Variants in FAM111B observed in about 807,000 individuals in gnomAD.
The protein encoded by FAM111B is FAM111 trypsin like peptidase B, also known as serine protease FAM111B.
A neutral mutation model predicts 2.8 loss-of-function variants in FAM111B; 1 was observed. The observed-to-expected ratio is 0.36, with a 90% CI of 0.13 to 1.70. FAM111B has a LOEUF of 1.70. FAM111B is among the 40% of genes most tolerant of loss of function. The probability of loss-of-function intolerance (pLI) is 0.35; values close to 1 mark genes in which losing one functional copy is unlikely to be tolerated. For missense variants in FAM111B, 882 were observed against 878.9 expected, an observed-to-expected ratio of 1.00 and a Z score of -0.04; for synonymous variants, 297 against 295.6, an observed-to-expected ratio of 1.00 and a Z score of -0.05.
At chr11:59,107,914 G>A (rs1251511338) in intron 1 of FAM111B, among the ~76,000 whole-genome samples, 1 of 152,184 alleles carries the variant, frequency 6.6e-6, no homozygotes, top group Non-Finnish European at 1.5e-5. Flanking sequence ...GGTGGTTACT[G>A]ACATCCAGTC....
At chr11:59,111,782 A>T (rs1212348507) in intron 3 of FAM111B, among the ~76,000 whole-genome samples, 1 of 152,110 alleles carries the variant, frequency 6.6e-6, no homozygotes, top group Non-Finnish European at 1.5e-5. Context: ...AGAGTATAAA[A>T]CTGCCAAACT....
At chr11:59,109,758 G>A (rs1859729802) in intron 3 of FAM111B, 52 bp downstream of exon 3, 3 of 1,133,862 alleles carry the variant, frequency 2.6e-6, no homozygotes, top group East Asian at 2.4e-5. Flanking sequence ...TAACTATAGT[G>A]CCATATGAGG....
intron 3 of FAM111B, among the ~76,000 whole-genome samples, chr11:59,118,276 G>C (rs899213672): frequency 3.6e-4 from 55 of 152,162 alleles, no homozygotes; most frequent in African/African-American, 1.3e-3. Context: ...CCTGCCTCCA[G>C]GTCCTGTTCT....
In FAM111B at chr11:59,112,169, C is replaced by A. The variant is rs78255321; in HGVS notation, c.81+2463C>A. On this transcript the variant is annotated intron_variant, in intron 3 of 3. Transcript: ENST00000343597. ...TAATTTCCTGTTCTCCCCACTTGTG[C>A]CCTATTCATCCCAGTCCCTGGCAAC... Among the ~76,000 whole-genome samples the A allele has an allele frequency of 8.0e-3, 1,214 of 152,272 alleles. 37 individuals are homozygous for A. Among genetic ancestry groups the A allele is most frequent in the Admixed American group, 0.058 (887 of 15,292 alleles).
intron 3 of FAM111B, among the ~76,000 whole-genome samples, chr11:59,113,983 T>C (rs577292458): frequency 6.6e-6 from 1 of 152,338 alleles, no homozygotes; most frequent in African/African-American, 2.4e-5. Context: ...GAACCTTACA[T>C]TTTAAAGAGT....
chr11:59,109,849 C>T (rs1859731202), intron 3 of FAM111B, 143 bp downstream of exon 3: 2 of 450,566 alleles, frequency 4.4e-6, no homozygotes, highest in East Asian at 3.4e-5. Flanking sequence ...GGAGCTCATA[C>T]ACATAAGTGC....
intron 3 of FAM111B, among the ~76,000 whole-genome samples, chr11:59,110,296 A>G (rs1352400874): frequency 6.6e-6 from 1 of 152,234 alleles, no homozygotes; most frequent in Non-Finnish European, 1.5e-5. Flanking sequence ...ATTCAGACTT[A>G]GGAAACTACA....
chr11:59,125,834 T>A lies in FAM111B; in HGVS notation c.1737T>A (p.His579Gln). The change falls in exon 4 of 4, where the codon CAT (histidine) becomes CAA (glutamine). Residue 579 changes from histidine (H) to glutamine (Q), a missense_variant. Physicochemically the swap from His to Gln is conservative, Grantham distance 24. Coordinates refer to ENST00000343597, the MANE Select transcript of FAM111B (RefSeq NM_198947.4). ...PSTGLIYLIGHPEGQIKKIDG... is the reference protein window; with the variant it reads ...PSTGLIYLIGQPEGQIKKIDG... ...CTGGTTTGATTTATTTAATTGGTCATCCTGAAGGCCAGATCAAGAAAATAG... is the reference window on the plus strand; with the variant it reads ...CTGGTTTGATTTATTTAATTGGTCAACCTGAAGGCCAGATCAAGAAAATAG... 1 of 1,613,920 alleles carries A rather than the reference T, an allele frequency of 6.2e-7. No homozygotes were observed. Among genetic ancestry groups the A allele is most frequent in the Non-Finnish European group, 8.5e-7 (1 of 1,179,844 alleles).
chr11:59,109,176 T>C (rs1292056816), intron 2 of FAM111B, among the ~76,000 whole-genome samples: 1 of 152,186 alleles, frequency 6.6e-6, no homozygotes, highest in Non-Finnish European at 1.5e-5. Context: ...TTCCTGTTCC[T>C]TTTCAACAGT....
chr11:59,109,404 T>A lies in FAM111B; in HGVS notation c.-86-136T>A, dbSNP rs115322583. The A allele has an allele frequency of 2.1e-3, 756 of 357,228 alleles. 10 individuals carry two copies. The highest frequency in any genetic ancestry group is 0.015 in the African/African-American group (705 of 47,804). The allele number at this position is 357,228 out of a possible 1,614,324, so 22.1% of individuals were successfully genotyped here. A position where few individuals can be genotyped will look rare whatever the true frequency, so the allele number is the denominator to read the frequency against. ...CCTAAGATATGCCTTGGAAACTCCATACAGTAAGCTAAATAGCCATAGGGC... is the reference window on the plus strand; with the variant it reads ...CCTAAGATATGCCTTGGAAACTCCAAACAGTAAGCTAAATAGCCATAGGGC... On this transcript the variant is annotated intron_variant, in intron 2 of 3. Coordinates refer to ENST00000343597, the MANE Select transcript of FAM111B (RefSeq NM_198947.4).
At chr11:59,107,341 G>A (rs534418078) in intron 1 of FAM111B, 45 bp downstream of exon 1, 12 of 152,594 alleles carry the variant, frequency 7.9e-5, no homozygotes, top group African/African-American at 2.6e-4. Flanking sequence ...AGTTCTTAGG[G>A]GGATGGCTGA....
intron 2 of FAM111B, 33 bp from the exon 3 acceptor site, chr11:59,109,507 A>C: frequency 6.8e-6 from 4 of 587,934 alleles, no homozygotes; most frequent in Non-Finnish European, 1.2e-5. Flanking sequence ...GAAAGTGGTT[A>C]TTTCATAGAT....
chr11:59,111,123 A>G (rs1442538717), intron 3 of FAM111B, among the ~76,000 whole-genome samples: 1 of 152,140 alleles, frequency 6.6e-6, no homozygotes, highest in Non-Finnish European at 1.5e-5. Flanking sequence ...ATAGTGACAA[A>G]TAGAGCTGCA....
rs1590895929 is a variant in FAM111B, at chr11:59,126,359, A to T, written c.*57A>T. ...AATAATTCCTGGCAAAGATTTCATG[A>T]CAAAGACACTTAAAGCAATTGCAAC... On this transcript the variant is annotated 3_prime_UTR_variant, in exon 4 of 4. Transcript: ENST00000343597. 7.2e-7 allele frequency: 1 copy of T among 1,397,894 alleles called. No homozygotes were observed. The highest frequency in any genetic ancestry group is 2.3e-5 in the East Asian group (1 of 42,678). The allele number at this position is 1,397,894 out of a possible 1,614,324, so 86.6% of individuals were successfully genotyped here. A position where few individuals can be genotyped will look rare whatever the true frequency, so the allele number is the denominator to read the frequency against.
chr11:59,126,260 G>A lies in FAM111B; in HGVS notation c.2163G>A (p.Glu721=), dbSNP rs779892660. ...ETYDEEKGKQ[E]SSLQDHQIEP... ...ACGATGAAGAGAAAGGTAAACAAGA[G>A]TCATCACTTCAAGATCATCAGATTG... The change falls in exon 4 of 4, where the codon GAG becomes GAA. Residue 721 remains glutamate (E), a synonymous_variant. Transcript: ENST00000343597. 2.5e-6 allele frequency: 4 copies of A among 1,580,412 alleles called. No individual in the cohort carries two copies. The Admixed American group carries it at 7.6e-5, about 30-fold the overall frequency.
intron 3 of FAM111B, 46 bp from the exon 4 acceptor site, chr11:59,124,130 CATT>C (rs754136839): frequency 1.5e-6 from 2 of 1,295,176 alleles, no homozygotes; most frequent in African/African-American, 3.0e-5. Flanking sequence ...AAATATAAAA[CATT>C]ATTAAAGGTG....
In FAM111B at chr11:59,126,148, G is replaced by C. The variant is rs141940888; in HGVS notation, c.2051G>C (p.Gly684Ala). The C allele has an allele frequency of 1.2e-6, 2 of 1,612,466 alleles. No homozygotes were observed. The highest frequency in any genetic ancestry group is 4.5e-5 in the East Asian group (2 of 44,856). ...AATGTGCATGCCCTTATTGAATTTG[G>C]TTATTCTATGGATTCTATTCTTTGT... is the stretch of plus-strand genomic sequence containing the variant. ...GFNVHALIEF[G>A]YSMDSILCDI... Residue 684 changes from glycine (G) to alanine (A), a missense_variant, in exon 4 of 4, where the codon GGT becomes GCT. Transcript: ENST00000343597.
At chr11:59,118,700 C>T (rs1859876688) in intron 3 of FAM111B, among the ~76,000 whole-genome samples, 1 of 152,122 alleles carries the variant, frequency 6.6e-6, no homozygotes, top group Non-Finnish European at 1.5e-5. Context: ...TTTTTCATAA[C>T]TGTTCTTCAT....
In FAM111B at chr11:59,125,736, AT is replaced by A. The variant is rs756044805; in HGVS notation, c.1643del (p.Leu548Ter). On this transcript the variant is annotated frameshift_variant, in exon 4 of 4. Coordinates refer to ENST00000343597, the MANE Select transcript of FAM111B (RefSeq NM_198947.4). LOFTEE classifies it low-confidence loss of function (END_TRUNC). ...KVSNENLDYA[I>X]LKLKENGNAF... Reference sequence around the variant, plus strand: ...GTCCAATGAAAATCTAGATTATGCCATTTTAAAACTAAAAGAAAATGGAAAT... The same window carrying A: ...GTCCAATGAAAATCTAGATTATGCCATTTAAAACTAAAAGAAAATGGAAAT... 2 of 1,613,818 alleles carry A rather than the reference AT, an allele frequency of 1.2e-6. No homozygotes were observed. Among genetic ancestry groups the A allele is most frequent in the Non-Finnish European group, 1.7e-6 (2 of 1,179,812 alleles).
Sources: allele counts gnomAD v4.1 joint callset (sites outside exome capture counted in the v4.1 genomes callset), GRCh38; gene constraint gnomAD v4.1.1; transcripts MANE v1.5; gene names NCBI Gene and HGNC (gene_info 2026-07-23, HGNC 2026-07-21).